Variants in NPIPB2 observed in about 807,000 individuals in gnomAD.
NPIPB2 encodes nuclear pore complex interacting protein family member B2.
NPIPB2 carries 27 observed loss-of-function variants against 30.8 expected under a neutral mutation model. The ratio of observed to expected loss-of-function variants is 0.88; its 90% CI spans 0.65 to 1.21. The LOEUF (loss-of-function observed/expected upper bound fraction) is 1.21, where lower values mean the gene tolerates loss of function less well. Among genes scored for constraint, NPIPB2 ranks in the 50% most tolerant of loss-of-function variants. NPIPB2 has a pLI of 0.00. For missense variants in NPIPB2, 440 were observed against 446.2 expected, an observed-to-expected ratio of 0.99 and a Z score of 0.13; for synonymous variants, 147 against 162.0, an observed-to-expected ratio of 0.91 and a Z score of 0.70.
At chr16:11,940,632 G>A (rs533245260) in intron 1 of NPIPB2, among the ~76,000 whole-genome samples, 1,660 of 145,250 alleles carry the variant, frequency 0.011, 52 homozygotes, top group African/African-American at 0.04. Context: ...AATTAGCCAG[G>A]CGTTGTAATC....
intron 1 of NPIPB2, among the ~76,000 whole-genome samples, chr16:11,974,931 C>T (rs420203): frequency 0.98 from 148,344 of 151,376 alleles, 72,767 homozygotes; most frequent in East Asian, 1. Flanking sequence ...AAAAATTAGC[C>T]GGGTATGGTG....
intron 1 of NPIPB2, among the ~76,000 whole-genome samples, chr16:11,966,616 G>C (rs969587085): frequency 6.6e-6 from 1 of 152,154 alleles, no homozygotes; most frequent in Admixed American, 6.6e-5. Context: ...GGAAACATCA[G>C]TCTCTTTGAC....
At chr16:11,973,338 G>C (rs887587326) in intron 1 of NPIPB2, among the ~76,000 whole-genome samples, 3 of 152,086 alleles carry the variant, frequency 2.0e-5, no homozygotes, top group African/African-American at 7.2e-5. Flanking sequence ...GGGGGACTGA[G>C]AATTTTATTT....
chr16:11,966,770 A>G (rs777881302), intron 1 of NPIPB2, among the ~76,000 whole-genome samples: 5 of 152,160 alleles, frequency 3.3e-5, no homozygotes, highest in Non-Finnish European at 5.9e-5. Flanking sequence ...ACATTTTACT[A>G]CTGAAAAATG....
intron 1 of NPIPB2, chr16:11,966,055 G>A: frequency 4.3e-6 from 3 of 704,822 alleles, no homozygotes; most frequent in Non-Finnish European, 6.2e-6. Context: ...AGGTTGCAGT[G>A]AGCCGAGATC....
Position 11,959,569 on chromosome 16 carries a change from C to T in NPIPB2, c.-584+16999G>A, listed in dbSNP as rs550965455. On this transcript the variant is annotated intron_variant, in intron 1 of 5. Coordinates refer to the NPIPB2 transcript ENST00000538896. ...CACCCAACTACCTCTAACCGGGTGA[C>T]AGAGGGAGACCCCGTCTCAAAAAAA... 1.6e-3 allele frequency among the ~76,000 whole-genome samples: 246 copies of T among 151,406 alleles called. 2 individuals are homozygous for T. The highest frequency in any genetic ancestry group is 4.2e-3 in the Admixed American group (64 of 15,190).
chr16:11,958,723 A>G (rs2055133610), intron 1 of NPIPB2, among the ~76,000 whole-genome samples: 1 of 152,182 alleles, frequency 6.6e-6, no homozygotes, highest in South Asian at 2.1e-4. Context: ...CCTGGGTAAC[A>G]GAGTGAGACC....
intron 1 of NPIPB2, among the ~76,000 whole-genome samples, chr16:11,938,738 T>C (rs1258814327): frequency 6.6e-6 from 1 of 152,116 alleles, no homozygotes; most frequent in African/African-American, 2.4e-5. Context: ...AAGCTAAGTA[T>C]AAAGTAATTA....
chr16:11,970,609 C>T (rs1453485949), intron 1 of NPIPB2, among the ~76,000 whole-genome samples: 2 of 152,018 alleles, frequency 1.3e-5, no homozygotes. Flanking sequence ...GATCTTGGCT[C>T]ACTGCAACCT....
chr16:11,965,350 C>T, intron 1 of NPIPB2: 1 of 1,614,146 alleles, frequency 6.2e-7, no homozygotes, highest in South Asian at 1.1e-5. Context: ...GGGCAGTGCT[C>T]CCAAAATGAA....
intron 1 of NPIPB2, among the ~76,000 whole-genome samples, chr16:11,949,038 A>G (rs1794329): frequency 0.97 from 147,974 of 151,916 alleles, 72,187 homozygotes; most frequent in East Asian, 1. Flanking sequence ...GCTTCTTGTA[A>G]GGGAGGCGGC....
At chr16:11,961,509 G>C (rs450700) in intron 1 of NPIPB2, among the ~76,000 whole-genome samples, 6,174 of 152,274 alleles carry the variant, frequency 0.041, 157 homozygotes, top group Middle Eastern at 0.088. Context: ...GCCAGGCGCA[G>C]TGGCTCACGC....
intron 1 of NPIPB2, among the ~76,000 whole-genome samples, chr16:11,962,910 T>C (rs925255783): frequency 1.3e-5 from 2 of 151,588 alleles, no homozygotes; most frequent in African/African-American, 4.9e-5. Flanking sequence ...GTACTAAAAA[T>C]ACAAATATTT....
At position 11,967,820 on chromosome 16, in the gene NPIPB2, G is replaced by C. The variant is rs34546237; in HGVS notation, c.-584+8748C>G. ...TGCCAGCTGCTTTGAGTGCTACGGA[G>C]ATAGAGAAATCAATTTCTGCTAGGT... On this transcript the variant is annotated intron_variant, in intron 1 of 5. Coordinates refer to the NPIPB2 transcript ENST00000538896. The C allele has an allele frequency of 9.2e-4, 1,488 of 1,613,996 alleles. 22 individuals are homozygous for C. The African/African-American group carries it at 0.018, about 19-fold the overall frequency.
At chr16:11,937,223 G>A (rs967996586) in intron 2 of NPIPB2, among the ~76,000 whole-genome samples, 1 of 152,146 alleles carries the variant, frequency 6.6e-6, no homozygotes, top group African/African-American at 2.4e-5. Context: ...GAACTATAAA[G>A]CAGAAGAGTT....
chr16:11,933,583 A>G, exon 4 of NPIPB2: 2 of 1,590,342 alleles, frequency 1.3e-6, no homozygotes, highest in East Asian at 2.2e-5. Flanking sequence ...TGTCACCTTC[A>G]TCTTACGGAT....
intron 1 of NPIPB2, chr16:11,966,062 G>C: frequency 1.2e-6 from 1 of 809,344 alleles, no homozygotes; most frequent in Non-Finnish European, 1.8e-6. Context: ...AGTGAGCCGA[G>C]ATCGCGCCAC....
upstream of NPIPB2, among the ~76,000 whole-genome samples, chr16:11,946,466 C>T (rs561903000): frequency 2.0e-5 from 3 of 149,990 alleles, no homozygotes. Context: ...ACTAAGGAGG[C>T]TGAGGCTGAG....
chr16:11,930,510 C>G, exon 5 of NPIPB2: 1 of 1,588,166 alleles, frequency 6.3e-7, no homozygotes, highest in Non-Finnish European at 8.5e-7. Flanking sequence ...TGACACCTGC[C>G]TCTCCTTTTC....
Sources: gnomAD v4.1 joint callset for allele counts (sites outside exome capture counted in the v4.1 genomes callset) on GRCh38, gnomAD v4.1.1 for gene constraint, MANE v1.5 for transcripts, NCBI Gene and HGNC (gene_info 2026-07-23, HGNC 2026-07-21) for gene names.